DYRK1A: variants seen among roughly 807,000 people sequenced by gnomAD.
DYRK1A encodes dual specificity tyrosine phosphorylation regulated kinase 1A.
In DYRK1A, 9 loss-of-function variants were observed where a neutral mutation model predicts 79.7. The ratio of observed to expected loss-of-function variants is 0.11; its 90% confidence interval spans 0.07 to 0.20. The LOEUF (loss-of-function observed/expected upper bound fraction) is 0.20, where lower values mean the gene tolerates loss of function less well. DYRK1A is among the 10% of genes least tolerant of loss of function. The pLI, the probability that DYRK1A is intolerant of heterozygous loss-of-function variation, is 1.00. For synonymous variants in DYRK1A, 349 were observed against 329.7 expected, an observed-to-expected ratio of 1.06 and a Z score of -0.63; for missense variants, 622 against 956.0, an observed-to-expected ratio of 0.65 and a Z score of 4.61.
At chr21:37,453,360 AAT>A (rs1289556154) in intron 2 of DYRK1A, among the ~76,000 whole-genome samples, 1 of 152,146 alleles carries the variant, frequency 6.6e-6, no homozygotes, top group Non-Finnish European at 1.5e-5. Context: ...GCAAGTCTAG[AAT>A]ATAGTAGGGG....
intron 2 of DYRK1A, among the ~76,000 whole-genome samples, chr21:37,427,570 A>G (rs1000620731): frequency 1.3e-5 from 2 of 152,252 alleles, no homozygotes; most frequent in African/African-American, 4.8e-5. Flanking sequence ...TTCATGAACA[A>G]TGTTTAAGTG....
In DYRK1A at chr21:37,519,237, T is replaced by C. The variant is rs1313311738; in HGVS notation, c.*6706T>C. On this transcript the variant is annotated 3_prime_UTR_variant, in exon 12 of 12. Transcript: ENST00000647188. ...TGGTCTTGTAAGCCGGTGAAGGGTT[T>C]CCCAGGGCACCAGCCACCAGCTCTG... The C allele has an allele frequency of 1.3e-5, 2 of 152,202 alleles. No individual in the cohort carries two copies. The highest frequency in any genetic ancestry group is 4.8e-5 in the African/African-American group (2 of 41,428). The allele number at this position is 152,202 out of a possible 1,614,324, so 9.4% of individuals were successfully genotyped here.
chr21:37,368,491 C>T (rs1024250878), intron 1 of DYRK1A, among the ~76,000 whole-genome samples: 13 of 152,178 alleles, frequency 8.5e-5, no homozygotes, highest in African/African-American at 3.1e-4. Flanking sequence ...TTTCGCCCAA[C>T]CCTAGGTGAC....
At chr21:37,441,781 T>A (rs2051111694) in intron 2 of DYRK1A, among the ~76,000 whole-genome samples, 1 of 152,132 alleles carries the variant, frequency 6.6e-6, no homozygotes, top group African/African-American at 2.4e-5. Flanking sequence ...AAATAAGAAT[T>A]CCTGTATTCT....
At chr21:37,383,743 TGTAGA>T (rs1349314316) in intron 1 of DYRK1A, among the ~76,000 whole-genome samples, 1 of 152,124 alleles carries the variant, frequency 6.6e-6, no homozygotes, top group Non-Finnish European at 1.5e-5. Flanking sequence ...CATTGTAAGA[TGTAGA>T]GTAAACAAGA....
At chr21:37,506,317 T>A in intron 11 of DYRK1A, 94 bp downstream of exon 11, 2 of 1,609,558 alleles carry the variant, frequency 1.2e-6, no homozygotes, top group Non-Finnish European at 8.5e-7. Flanking sequence ...ACCGTATCAT[T>A]TACCCTAGAG....
At chr21:37,460,362 G>A (rs2051799824) in intron 2 of DYRK1A, among the ~76,000 whole-genome samples, 1 of 152,100 alleles carries the variant, frequency 6.6e-6, no homozygotes, top group African/African-American at 2.4e-5. Flanking sequence ...TTAAGCCATG[G>A]GGAGGCAGTA....
At chr21:37,371,991 T>G (rs763064563) in intron 1 of DYRK1A, among the ~76,000 whole-genome samples, 1 of 152,156 alleles carries the variant, frequency 6.6e-6, no homozygotes, top group Non-Finnish European at 1.5e-5. Flanking sequence ...CTATATTATT[T>G]GATAATATAG....
At chr21:37,370,726 C>T (rs1014507816) in intron 1 of DYRK1A, among the ~76,000 whole-genome samples, 2 of 152,110 alleles carry the variant, frequency 1.3e-5, no homozygotes, top group Non-Finnish European at 2.9e-5. Flanking sequence ...TAATCATAAG[C>T]AGTTATTTAA....
chr21:37,498,275 T>C (rs1456119106), intron 9 of DYRK1A, among the ~76,000 whole-genome samples: 1 of 152,224 alleles, frequency 6.6e-6, no homozygotes, highest in Non-Finnish European at 1.5e-5. Flanking sequence ...GTGTTGAGTT[T>C]GTTTTCACCT....
At chr21:37,368,239 G>C (rs1236712399) in intron 1 of DYRK1A, 1 of 152,278 alleles carries the variant, frequency 6.6e-6, no homozygotes, top group African/African-American at 2.4e-5. Context: ...GCGGCTCGGG[G>C]TGGAGGGATG....
chr21:37,484,994 C>A (rs1479676767), intron 5 of DYRK1A, among the ~76,000 whole-genome samples: 2 of 152,110 alleles, frequency 1.3e-5, no homozygotes, highest in African/African-American at 4.8e-5. Flanking sequence ...AGGTTATTGT[C>A]AAATAAGGGA....
At chr21:37,425,446 A>G (rs2050592701) in intron 2 of DYRK1A, among the ~76,000 whole-genome samples, 1 of 152,190 alleles carries the variant, frequency 6.6e-6, no homozygotes, top group Non-Finnish European at 1.5e-5. Context: ...TACATTATGT[A>G]TGTGTCATAT....
At chr21:37,403,663 ATGTGTGTGTGTGTGTG>A (rs761056038) in intron 1 of DYRK1A, among the ~76,000 whole-genome samples, 34 of 121,542 alleles carry the variant, frequency 2.8e-4, no homozygotes, top group African/African-American at 6.6e-4. Context: ...ATATATATAT[ATGTGTGTGTGTGTGTG>A]TGTGTGTGTG....
chr21:37,511,820 A>C, intron 11 of DYRK1A, 91 bp from the exon 12 acceptor site: 1 of 1,410,006 alleles, frequency 7.1e-7, no homozygotes, highest in South Asian at 1.4e-5. Context: ...GATTAATATG[A>C]TGCTAGTTTG....
At chr21:37,414,556 G>T (rs2050301566) in intron 1 of DYRK1A, among the ~76,000 whole-genome samples, 1 of 152,102 alleles carries the variant, frequency 6.6e-6, no homozygotes. Flanking sequence ...GTTCACTGAG[G>T]TCTTCTGGGC....
chr21:37,389,502 T>C (rs1056896853), intron 1 of DYRK1A, among the ~76,000 whole-genome samples: 76 of 152,312 alleles, frequency 5.0e-4, no homozygotes, highest in African/African-American at 1.3e-3. Flanking sequence ...GTTGAACTTA[T>C]GGATATATGG....
chr21:37,485,824 G>A (rs1365775083), intron 5 of DYRK1A, among the ~76,000 whole-genome samples: 3 of 152,148 alleles, frequency 2.0e-5, no homozygotes, highest in East Asian at 1.9e-4. Flanking sequence ...GCTCATGAAC[G>A]CTGTGCTTTC....
intron 1 of DYRK1A, among the ~76,000 whole-genome samples, chr21:37,369,700 G>C (rs543678572): frequency 6.6e-6 from 1 of 152,338 alleles, no homozygotes; most frequent in Admixed American, 6.5e-5. Flanking sequence ...TTTTTACCTG[G>C]TGGGTGTTGA....
Sources: allele counts gnomAD v4.1 joint callset (sites outside exome capture counted in the v4.1 genomes callset), GRCh38; gene constraint gnomAD v4.1.1; transcripts MANE v1.5; gene names NCBI Gene and HGNC (gene_info 2026-07-23, HGNC 2026-07-21).